The following PTPRD variants were observed in gnomAD, a reference collection of about 807,000 sequenced individuals.
The protein encoded by PTPRD is protein tyrosine phosphatase receptor type D.
Under a neutral mutation model 214.5 loss-of-function variants are expected in PTPRD, and 34 were observed. The observed-to-expected ratio is 0.16, with a 90% confidence interval of 0.12 to 0.21. PTPRD has a LOEUF of 0.21. Ranked by LOEUF, PTPRD falls within the 10% of genes least tolerant of loss-of-function variation. The probability of loss-of-function intolerance (pLI) is 1.00; values close to 1 mark genes in which losing one functional copy is unlikely to be tolerated. For missense variants in PTPRD, 2,545 were observed against 2,398.7 expected, an observed-to-expected ratio of 1.06 and a Z score of -1.27; for synonymous variants, 1,128 against 845.7, an observed-to-expected ratio of 1.33 and a Z score of -5.79.
chr9:8,532,945 C>T (rs915625965), intron 14 of PTPRD, among the ~76,000 whole-genome samples: 1 of 151,962 alleles, frequency 6.6e-6, no homozygotes, highest in African/African-American at 2.4e-5. Context: ...GTTAACTTCC[C>T]ATTGTGGTAG....
intron 11 of PTPRD, among the ~76,000 whole-genome samples, chr9:8,959,595 G>T (rs566344464): frequency 3.9e-5 from 6 of 152,050 alleles, no homozygotes; most frequent in Admixed American, 1.3e-4. Flanking sequence ...TGATATATCA[G>T]AAGATTAACA....
intron 8 of PTPRD, among the ~76,000 whole-genome samples, chr9:9,552,893 G>A (rs1735843855): frequency 6.6e-6 from 1 of 152,022 alleles, no homozygotes; most frequent in Non-Finnish European, 1.5e-5. Context: ...TTCTGACATG[G>A]ATCACAGACA....
chr9:8,618,866 T>TTGTGTGTGTG (rs371767469), intron 14 of PTPRD, among the ~76,000 whole-genome samples: 3 of 130,926 alleles, frequency 2.3e-5, no homozygotes, highest in African/African-American at 5.8e-5. Flanking sequence ...CCAGCTAATT[T>TTGTGTGTGTG]TGTGTGTGTG....
At chr9:8,498,914 C>T (rs1035636897) in intron 25 of PTPRD, among the ~76,000 whole-genome samples, 1 of 152,076 alleles carries the variant, frequency 6.6e-6, no homozygotes, top group East Asian at 1.9e-4. Flanking sequence ...TGGAAATTTT[C>T]AATGCTCTGT....
At chr9:10,254,117 G>C (rs1169346733) in intron 3 of PTPRD, among the ~76,000 whole-genome samples, 3 of 152,160 alleles carry the variant, frequency 2.0e-5, no homozygotes, top group Admixed American at 6.5e-5. Flanking sequence ...CAGAGAACAA[G>C]TCAACTCATA....
At chr9:10,305,309 A>C (rs2154410760) in intron 3 of PTPRD, among the ~76,000 whole-genome samples, 1 of 151,946 alleles carries the variant, frequency 6.6e-6, no homozygotes, top group African/African-American at 2.4e-5. Flanking sequence ...AAACCCTAGA[A>C]GAAAACCTAG....
intron 3 of PTPRD, among the ~76,000 whole-genome samples, chr9:10,083,420 A>G (rs1318908769): frequency 2.0e-5 from 3 of 152,046 alleles, no homozygotes; most frequent in Admixed American, 1.3e-4. Context: ...ATGATACACA[A>G]TGCTTGTTGT....
intron 9 of PTPRD, among the ~76,000 whole-genome samples, chr9:9,376,212 T>G (rs532578520): frequency 6.6e-6 from 1 of 152,148 alleles, no homozygotes; most frequent in African/African-American, 2.4e-5. Flanking sequence ...CAAAATCATT[T>G]TTCTACTATA....
chr9:8,991,078 G>A (rs573406060), intron 11 of PTPRD, among the ~76,000 whole-genome samples: 3 of 151,836 alleles, frequency 2.0e-5, no homozygotes, highest in Non-Finnish European at 1.5e-5. Flanking sequence ...AATTAGCCAG[G>A]CATGTTGGTG....
At chr9:8,529,092 G>A (rs1250714369) in intron 14 of PTPRD, among the ~76,000 whole-genome samples, 1 of 152,048 alleles carries the variant, frequency 6.6e-6, no homozygotes, top group Non-Finnish European at 1.5e-5. Context: ...AGTACCCAGA[G>A]GAAGCTCTGA....
At chr9:8,422,147 C>CA (rs768623202) in intron 35 of PTPRD, among the ~76,000 whole-genome samples, 1,363 of 33,968 alleles carry the variant, frequency 0.04, 246 homozygotes, top group Non-Finnish European at 0.051. Context: ...ACCCTGTCTC[C>CA]AAAAAAAAAA....
Position 9,860,756 on chromosome 9 carries a change from C to G in PTPRD, c.-368+77751G>C, listed in dbSNP as rs138889986. 7.3e-3 allele frequency among the ~76,000 whole-genome samples: 1,103 copies of G among 152,096 alleles called. 11 individuals are homozygous for G. Among genetic ancestry groups the G allele is most frequent in the African/African-American group, 0.025 (1,042 of 41,414 alleles). ...ACCACTAAACAATTGTAGTTCATTA[C>G]TGATCCACACCACAGGGGTCTTGTG... On this transcript the variant is annotated intron_variant, in intron 5 of 45. Coordinates refer to ENST00000381196, the MANE Select transcript of PTPRD (RefSeq NM_002839.4).
chr9:9,166,993 G>A (rs1380797300), intron 10 of PTPRD, among the ~76,000 whole-genome samples: 10 of 151,070 alleles, frequency 6.6e-5, no homozygotes, highest in African/African-American at 2.4e-4. Context: ...ATTAAGTACT[G>A]TGTGCACAGT....
intron 45 of PTPRD, among the ~76,000 whole-genome samples, chr9:8,318,422 G>A (rs1266306672): frequency 1.3e-5 from 2 of 151,874 alleles, no homozygotes; most frequent in Non-Finnish European, 2.9e-5. Context: ...CTGAACTACT[G>A]CCAACAGAAT....
In PTPRD at chr9:9,019,456, G is replaced by A. The variant is rs560035929; in HGVS notation, c.-142-721C>T. Among the ~76,000 whole-genome samples, 9 of 152,274 alleles carry A rather than the reference G, an allele frequency of 5.9e-5. No individual in the cohort carries two copies. In the East Asian group the frequency reaches 1.7e-3, roughly 29 times the overall value. On this transcript the variant is annotated intron_variant, in intron 10 of 45. Coordinates refer to ENST00000381196, the MANE Select transcript of PTPRD (RefSeq NM_002839.4). Reference sequence around the variant, plus strand: ...GCAGTGGCTCATGCCTGTTATCCCAGGACTTGGGGAGGCCAAGGCAGGCAG... The same window carrying A: ...GCAGTGGCTCATGCCTGTTATCCCAAGACTTGGGGAGGCCAAGGCAGGCAG...
intron 34 of PTPRD, 64 bp downstream of exon 34, chr9:8,449,661 A>C: frequency 1.4e-6 from 2 of 1,403,040 alleles, no homozygotes; most frequent in Non-Finnish European, 2.0e-6. Flanking sequence ...AACTCTTAAT[A>C]TCAATTGAGC....
intron 2 of PTPRD, among the ~76,000 whole-genome samples, chr9:10,509,290 T>C (rs1296900466): frequency 1.3e-5 from 2 of 151,842 alleles, no homozygotes; most frequent in Non-Finnish European, 1.5e-5. Context: ...CTCTGTGTAG[T>C]AATTTATTTG....
At chr9:8,452,778 T>C (rs1193631824) in intron 33 of PTPRD, among the ~76,000 whole-genome samples, 2 of 152,132 alleles carry the variant, frequency 1.3e-5, no homozygotes, top group Non-Finnish European at 2.9e-5. Context: ...TAATACACAA[T>C]ACAAATGCTA....
chr9:9,978,467 A>C (rs2154060687), intron 4 of PTPRD, among the ~76,000 whole-genome samples: 1 of 152,242 alleles, frequency 6.6e-6, no homozygotes, highest in East Asian at 1.9e-4. Flanking sequence ...AAGGAAAAAA[A>C]TAAAATGTAT....
Sources: gnomAD v4.1 joint callset for allele counts (sites outside exome capture counted in the v4.1 genomes callset) on GRCh38, gnomAD v4.1.1 for gene constraint, MANE v1.5 for transcripts, NCBI Gene and HGNC (gene_info 2026-07-23, HGNC 2026-07-21) for gene names.